Variants in DNAH10 observed in about 807,000 individuals in gnomAD.
DNAH10 encodes the protein dynein axonemal heavy chain 10, also known as axonemal beta dynein heavy chain 10.
A neutral mutation model predicts 506.6 loss-of-function variants in DNAH10; 348 were observed. The ratio of observed to expected loss-of-function variants is 0.69; its 90% CI spans 0.63 to 0.75. The LOEUF is 0.75. Ranked by LOEUF, DNAH10 falls within the 30% of genes least tolerant of loss-of-function variation. DNAH10 has a pLI of 0.00. For missense variants in DNAH10, 5,179 were observed against 5,787.1 expected (o/e 0.89, Z 3.41); for synonymous variants, 2,059 against 2,198.6 (o/e 0.94, Z 1.78).
rs1269713721 is a variant in DNAH10 at position 123,933,385 on chromosome 12, T to C, written c.13351T>C (p.Ser4451Pro). ...MWLSGLHIPE[S>P]YLTALVQATC... ...GCTCTCGGGGCTGCACATCCCTGAGTCCTACCTCACGGCGCTGGTGCAGGC... is the reference window on the plus strand; with the variant it reads ...GCTCTCGGGGCTGCACATCCCTGAGCCCTACCTCACGGCGCTGGTGCAGGC... The change falls in exon 77 of 79, where the codon TCC becomes CCC. Residue 4451 changes from serine to proline, a missense_variant. This residue lies in a region of DNAH10 where 4,844 missense variants were observed against 5,430.5 expected (regional missense o/e 0.89). Coordinates refer to ENST00000673944, the MANE Select transcript of DNAH10 (RefSeq NM_001372106.1). 1.2e-6 allele frequency: 2 copies of C among 1,610,586 alleles called. No homozygotes were observed. The highest frequency in any genetic ancestry group is 1.7e-6 in the Non-Finnish European group (2 of 1,179,318).
intron 56 of DNAH10, among the ~76,000 whole-genome samples, chr12:123,901,845 G>T (rs1953537480): frequency 6.6e-6 from 1 of 152,238 alleles, no homozygotes; most frequent in African/African-American, 2.4e-5. Flanking sequence ...ATTTTTAGTA[G>T]AGACGGGGTT....
At position 123,905,981 on chromosome 12, in the gene DNAH10, G is replaced by A. The variant is rs189844977; in HGVS notation, c.9815+2868G>A. Among the ~76,000 whole-genome samples the A allele has an allele frequency of 5.6e-3, 843 of 151,758 alleles. 5 individuals are homozygous for A. Among genetic ancestry groups the A allele is most frequent in the Non-Finnish European group, 8.4e-3 (574 of 67,930 alleles). On this transcript the variant is annotated intron_variant, in intron 57 of 78. Coordinates refer to ENST00000673944, the MANE Select transcript of DNAH10 (RefSeq NM_001372106.1). ...CACCCAGGCTGGAGTGCAGTGGCAC[G>A]ATCTCGGCTCACTGCAACCTCCGCC...
Position 123,897,902 on chromosome 12 carries a change from A to G in DNAH10, c.9413A>G (p.Lys3138Arg), listed in dbSNP as rs1424117614. 6.2e-7 allele frequency: 1 copy of G among 1,611,032 alleles called. No individual in the cohort carries two copies. The highest frequency in any genetic ancestry group is 8.5e-7 in the Non-Finnish European group (1 of 1,179,192). ...AGGCGCAGCAACTATGTCACTCCCA[A>G]GAACTACCTTGATTTTATTAACACC... ...KLRRSNYVTPKNYLDFINTYS... is the reference protein window; with the variant it reads ...KLRRSNYVTPRNYLDFINTYS... The change falls in exon 55 of 79, where the codon AAG becomes AGG. Residue 3138 changes from lysine to arginine, a missense_variant. Transcript: ENST00000673944.
At chr12:123,837,953 A>G (rs967054691) in intron 28 of DNAH10, among the ~76,000 whole-genome samples, 1 of 152,170 alleles carries the variant, frequency 6.6e-6, no homozygotes, top group Non-Finnish European at 1.5e-5. Flanking sequence ...TATTTCAATA[A>G]ATAAACATTG....
chr12:123,808,710 T>C (rs1220886586), intron 18 of DNAH10, 87 bp from the exon 19 acceptor site: 86 of 1,446,602 alleles, frequency 5.9e-5, no homozygotes, highest in Non-Finnish European at 7.4e-5. Flanking sequence ...CCTGTGATTT[T>C]TGTGGCCCTG....
Position 123,853,329 on chromosome 12 carries a change from A to G in DNAH10, c.6415A>G (p.Arg2139Gly). ...GCTGGTCATGGCTGGTGAGCTGAAG[A>G]GAGGCTCCTCTGACCTTAGGGAGGT... Reference protein sequence around the residue: ...SVLVMAGELKRGSSDLREDVV... With the variant: ...SVLVMAGELKGGSSDLREDVV... The change falls in exon 36 of 79, where the codon AGA becomes GGA. Residue 2139 changes from arginine (R) to glycine (G), a missense_variant. Arg to Gly is a moderately radical substitution (Grantham distance 125). Transcript: ENST00000673944. The surrounding 1 kb of genome is among the most constrained non-coding windows in gnomAD (Gnocchi z 4.7). The G allele has an allele frequency of 6.2e-7, 1 of 1,612,318 alleles. No individual in the cohort carries two copies. Among genetic ancestry groups the G allele is most frequent in the South Asian group, 1.1e-5 (1 of 90,598 alleles).
intron 39 of DNAH10, among the ~76,000 whole-genome samples, chr12:123,863,828 C>G (rs1275001139): frequency 6.6e-6 from 1 of 152,214 alleles, no homozygotes; most frequent in South Asian, 2.1e-4. Flanking sequence ...ACCCACTACA[C>G]ATGGACATCC....
chr12:123,813,137 C>A (rs373933132), intron 19 of DNAH10, 27 bp from the exon 20 acceptor site: 5 of 1,560,124 alleles, frequency 3.2e-6, no homozygotes, highest in African/African-American at 2.7e-5. Context: ...AAAATACTGT[C>A]TTTTCTCCTA....
chr12:123,902,559 G>C lies in DNAH10; in HGVS notation c.9641-380G>C, dbSNP rs1433983761. Among the ~76,000 whole-genome samples, 1 of 152,220 alleles carries C rather than the reference G, an allele frequency of 6.6e-6. No individual in the cohort carries two copies. Among genetic ancestry groups the C allele is most frequent in the Admixed American group, 6.5e-5 (1 of 15,286 alleles). On this transcript the variant is annotated intron_variant, in intron 56 of 78. Transcript: ENST00000673944. The surrounding 1 kb of genome is among the most constrained non-coding windows in gnomAD (Gnocchi z 4.5). Reference sequence around the variant, plus strand: ...GGCTGGGCCCGAGTGAGCGTAGGAAGAGGCGATGAGAGGCAGAAGGAGGAG... The same window carrying C: ...GGCTGGGCCCGAGTGAGCGTAGGAACAGGCGATGAGAGGCAGAAGGAGGAG...
chr12:123,928,463 AG>A lies in DNAH10; in HGVS notation c.12183del (p.Lys4061AsnfsTer3). The A allele has an allele frequency of 1.9e-6, 3 of 1,610,298 alleles. No individual in the cohort carries two copies. Among genetic ancestry groups the A allele is most frequent in the Non-Finnish European group, 2.5e-6 (3 of 1,178,532 alleles). ...CTGCAGAACTGCCACCTCCTGGTCA[AG>A]TGGCTGAAAGATCTGGAGAAGTCCC... ...LMLQNCHLLVKWLKDLEKSLE... is the reference protein window; with the variant it reads ...LMLQNCHLLVXWLKDLEKSLE... On this transcript the variant is annotated frameshift_variant, in exon 70 of 79. Coordinates refer to ENST00000673944, the MANE Select transcript of DNAH10 (RefSeq NM_001372106.1). LOFTEE classifies it high-confidence loss of function. The surrounding 1 kb of genome is among the most constrained non-coding windows in gnomAD (Gnocchi z 4.9).
intron 53 of DNAH10, among the ~76,000 whole-genome samples, chr12:123,894,270 T>A (rs779175253): frequency 1.3e-5 from 2 of 151,758 alleles, no homozygotes; most frequent in Non-Finnish European, 2.9e-5. Flanking sequence ...ATTTTTTTTT[T>A]CTTTGAGACA....
chr12:123,895,200 T>C (rs1405343697), intron 54 of DNAH10, among the ~76,000 whole-genome samples: 1 of 152,236 alleles, frequency 6.6e-6, no homozygotes, highest in Non-Finnish European at 1.5e-5. Context: ...CAGCAAACAT[T>C]CTGCATTCTC....
In DNAH10 at chr12:123,881,686, C is replaced by T; in HGVS notation, c.8696C>T (p.Ala2899Val). The change falls in exon 51 of 79, where the codon GCT (alanine) becomes GTT (valine). Residue 2899 changes from alanine to valine, a missense_variant. By Grantham distance (64) the Ala-to-Val change is moderately conservative (BLOSUM62 0). Coordinates refer to ENST00000673944, the MANE Select transcript of DNAH10 (RefSeq NM_001372106.1). ...TKMNLVLFDD[A>V]LEHLTRVHRI... is the part of the protein sequence containing the mutation. Reference sequence around the variant, plus strand: ...ATGAACTTGGTTCTCTTCGACGATGCTCTGGAGCATTTAACCCGGGTGCAC... The same window carrying T: ...ATGAACTTGGTTCTCTTCGACGATGTTCTGGAGCATTTAACCCGGGTGCAC... 1 of 1,549,934 alleles carries T rather than the reference C, an allele frequency of 6.5e-7. No homozygotes were observed. Among genetic ancestry groups the T allele is most frequent in the Non-Finnish European group, 8.7e-7 (1 of 1,146,456 alleles).
rs1017259449 is a variant in DNAH10 at position 123,919,139 on chromosome 12, G to A, written c.11506+190G>A. On this transcript the variant is annotated intron_variant, in intron 65 of 78. Transcript: ENST00000673944. This position sits in a 1 kb window ranked among gnomAD's most constrained non-coding sequence, Gnocchi z 4.9. ...CACCCAGGCTGGAATGCAGTGGTGC[G>A]ATCACGGCTCACTGCAACCTCCACC... 32 of 675,928 alleles carry A rather than the reference G, an allele frequency of 4.7e-5. No homozygotes were observed. The highest frequency in any genetic ancestry group is 4.6e-4 in the Admixed American group (14 of 30,422). The allele number at this position is 675,928 out of a possible 1,614,324, so 41.9% of individuals were successfully genotyped here. A position where few individuals can be genotyped will look rare whatever the true frequency, so the allele number is the denominator to read the frequency against.
intron 5 of DNAH10, 54 bp downstream of exon 5, chr12:123,774,318 G>A (rs1445111482): frequency 7.2e-7 from 1 of 1,385,658 alleles, no homozygotes; most frequent in African/African-American, 1.4e-5. Flanking sequence ...AGGTCATGTG[G>A]TTTGTTTATT....
intron 16 of DNAH10, among the ~76,000 whole-genome samples, chr12:123,802,607 T>TTTTTTG (rs1211158188): frequency 6.6e-6 from 1 of 152,022 alleles, no homozygotes; most frequent in Non-Finnish European, 1.5e-5. Context: ...CGTGTGGCCT[T>TTTTTTG]TTTTTGTTTT....
At chr12:123,856,059 T>C (rs1300548337) in intron 36 of DNAH10, among the ~76,000 whole-genome samples, 4 of 148,122 alleles carry the variant, frequency 2.7e-5, no homozygotes, top group Admixed American at 6.7e-5. Context: ...AAATTTCATA[T>C]ATTCATATTA....
rs749817453 is a variant in DNAH10 at position 123,931,955 on chromosome 12, A to G, written c.13143A>G (p.Glu4381=). ...ATTCTAAATAGGCCTTGGCTGGAGAAGTTGGAATGAGCAATGAGTTAGATG... is the reference window on the plus strand; with the variant it reads ...ATTCTAAATAGGCCTTGGCTGGAGAGGTTGGAATGAGCAATGAGTTAGATG... ...LAELQRALAG[E]VGMSNELDDV... Residue 4381 remains glutamate (E), a synonymous_variant, in exon 76 of 79, where the codon GAA becomes GAG. Coordinates refer to ENST00000673944, the MANE Select transcript of DNAH10 (RefSeq NM_001372106.1). 5 of 1,614,022 alleles carry G rather than the reference A, an allele frequency of 3.1e-6. No homozygotes were observed. The South Asian group carries it at 4.4e-5, about 14-fold the overall frequency.
At chr12:123,804,648 C>T (rs944500377) in intron 17 of DNAH10, among the ~76,000 whole-genome samples, 185 bp from the exon 18 acceptor site, 9 of 151,992 alleles carry the variant, frequency 5.9e-5, no homozygotes, top group African/African-American at 1.7e-4. Flanking sequence ...ACTAGATGTG[C>T]GTAACTGGTT....
Sources: allele counts gnomAD v4.1 joint callset (sites outside exome capture counted in the v4.1 genomes callset), GRCh38; gene constraint gnomAD v4.1.1; regional missense constraint gnomAD v4.1.1; non-coding constraint Gnocchi (gnomAD v3.1); transcripts MANE v1.5; gene names NCBI Gene and HGNC (gene_info 2026-07-23, HGNC 2026-07-21).